ANTXR1: variants seen among roughly 807,000 people sequenced by gnomAD.
ANTXR1 encodes the protein ANTXR cell adhesion molecule 1, also known as anthrax toxin receptor 1.
A neutral mutation model predicts 78.1 loss-of-function variants in ANTXR1; 19 were observed. That is an observed-to-expected ratio of 0.24 (90% CI 0.17 to 0.36). The LOEUF is 0.36. ANTXR1 is among the 10% of genes least tolerant of loss of function. The probability of loss-of-function intolerance (pLI) is 1.00; values close to 1 mark genes in which losing one functional copy is unlikely to be tolerated. For missense variants in ANTXR1, 518 were observed against 718.6 expected (o/e 0.72, Z 3.19); for synonymous variants, 273 against 260.5 (o/e 1.05, Z -0.46).
intron 17 of ANTXR1, among the ~76,000 whole-genome samples, chr2:69,237,004 A>T (rs1444661112): frequency 6.6e-6 from 1 of 152,206 alleles, no homozygotes; most frequent in African/African-American, 2.4e-5. Context: ...CAAATTTTCA[A>T]CAAAGAACTG....
chr2:69,051,331 T>A (rs1485155337), intron 3 of ANTXR1, among the ~76,000 whole-genome samples: 1 of 152,168 alleles, frequency 6.6e-6, no homozygotes, highest in Admixed American at 6.5e-5. Flanking sequence ...TAATAAAAGC[T>A]TTAACAGTAT....
chr2:69,124,733 TG>T (rs1386448223), intron 12 of ANTXR1, 90 bp downstream of exon 12: 4 of 1,473,868 alleles, frequency 2.7e-6, no homozygotes, highest in Non-Finnish European at 3.8e-6. Flanking sequence ...AAAGGTACCC[TG>T]GAAAGTTTTT....
chr2:69,180,795 A>T (rs1315846904), intron 14 of ANTXR1, among the ~76,000 whole-genome samples: 1 of 152,250 alleles, frequency 6.6e-6, no homozygotes, highest in African/African-American at 2.4e-5. Flanking sequence ...GAGATCCTTA[A>T]CTAAAAATAA....
chr2:69,116,268 A>G (rs957324118), intron 10 of ANTXR1, among the ~76,000 whole-genome samples: 1 of 152,158 alleles, frequency 6.6e-6, no homozygotes, highest in Non-Finnish European at 1.5e-5. Flanking sequence ...TGAATTATCA[A>G]TGAGGCAGCC....
chr2:69,071,075 G>C (rs1670548819), intron 4 of ANTXR1, among the ~76,000 whole-genome samples: 1 of 152,130 alleles, frequency 6.6e-6, no homozygotes, highest in Non-Finnish European at 1.5e-5. Flanking sequence ...AGCTTTAAGG[G>C]AAACAAGACC....
chr2:69,139,215 C>A (rs142109653), intron 12 of ANTXR1, among the ~76,000 whole-genome samples: 1 of 152,244 alleles, frequency 6.6e-6, no homozygotes, highest in South Asian at 2.1e-4. Context: ...TTTCACCTAT[C>A]CAATTTCACT....
intron 3 of ANTXR1, among the ~76,000 whole-genome samples, chr2:69,065,773 T>C (rs920647936): frequency 7.9e-5 from 12 of 152,350 alleles, no homozygotes; most frequent in African/African-American, 2.9e-4. Flanking sequence ...TTGTAGAACT[T>C]CATAACTCCT....
chr2:69,103,907 A>G (rs998337658), intron 10 of ANTXR1, among the ~76,000 whole-genome samples: 30 of 150,522 alleles, frequency 2.0e-4, no homozygotes, highest in African/African-American at 7.1e-4. Flanking sequence ...TTGACTAATC[A>G]CTCACACTAG....
chr2:69,075,766 T>C, intron 7 of ANTXR1, 108 bp downstream of exon 7: 7 of 1,030,056 alleles, frequency 6.8e-6, no homozygotes, highest in Non-Finnish European at 1.1e-5. Flanking sequence ...GCCCCTGAAA[T>C]AGGTTATTTT....
intron 17 of ANTXR1, among the ~76,000 whole-genome samples, chr2:69,206,859 G>A (rs1018931109): frequency 2.0e-5 from 3 of 152,212 alleles, no homozygotes; most frequent in Non-Finnish European, 4.4e-5. Flanking sequence ...AATATATTTA[G>A]TAATGGATCA....
intron 17 of ANTXR1, among the ~76,000 whole-genome samples, chr2:69,208,193 C>T (rs1481613939): frequency 2.0e-5 from 3 of 152,204 alleles, no homozygotes; most frequent in Non-Finnish European, 2.9e-5. Context: ...TGGGGACCCA[C>T]CCCTGTTTGC....
At chr2:69,198,944 G>A (rs1490825616) in intron 17 of ANTXR1, among the ~76,000 whole-genome samples, 2 of 152,176 alleles carry the variant, frequency 1.3e-5, no homozygotes, top group Non-Finnish European at 2.9e-5. Context: ...TTTACTCTGG[G>A]CCATCCCATT....
intron 10 of ANTXR1, among the ~76,000 whole-genome samples, chr2:69,117,010 T>C (rs1448955214): frequency 1.3e-5 from 2 of 152,206 alleles, no homozygotes; most frequent in East Asian, 1.9e-4. Context: ...TCTAAACCTG[T>C]AAATATACAC....
At chr2:69,137,385 G>T (rs190226647) in intron 12 of ANTXR1, among the ~76,000 whole-genome samples, 2 of 152,228 alleles carry the variant, frequency 1.3e-5, no homozygotes, top group African/African-American at 4.8e-5. Context: ...TTGAGAGAAG[G>T]CATATGGCCT....
intron 1 of ANTXR1, among the ~76,000 whole-genome samples, chr2:69,029,567 A>G (rs1428444610): frequency 6.6e-6 from 1 of 151,792 alleles, no homozygotes; most frequent in African/African-American, 2.4e-5. Flanking sequence ...AACAAAGAAA[A>G]AAAAATAGGC....
At chr2:69,135,335 A>G (rs896441024) in intron 12 of ANTXR1, among the ~76,000 whole-genome samples, 1 of 152,176 alleles carries the variant, frequency 6.6e-6, no homozygotes, top group Admixed American at 6.5e-5. Flanking sequence ...TATACTTTAG[A>G]AAACACTGAG....
chr2:69,033,285 G>A (rs1323437988), intron 1 of ANTXR1, among the ~76,000 whole-genome samples: 1 of 152,190 alleles, frequency 6.6e-6, no homozygotes, highest in East Asian at 1.9e-4. Flanking sequence ...GCAAGAGGGA[G>A]GTATGGCTGT....
intron 9 of ANTXR1, among the ~76,000 whole-genome samples, chr2:69,101,225 C>T (rs908704368): frequency 1.3e-5 from 2 of 152,188 alleles, no homozygotes; most frequent in Admixed American, 6.5e-5. Flanking sequence ...AATGAGCAAA[C>T]CTGCCTAAAA....
intron 12 of ANTXR1, among the ~76,000 whole-genome samples, chr2:69,150,442 T>C (rs1018211924): frequency 6.6e-6 from 1 of 152,200 alleles, no homozygotes; most frequent in African/African-American, 2.4e-5. Context: ...CTGGGCCCAG[T>C]GAGCTCTAAC....
Sources: gnomAD v4.1 joint callset for allele counts (sites outside exome capture counted in the v4.1 genomes callset) on GRCh38, gnomAD v4.1.1 for gene constraint, MANE v1.5 for transcripts, NCBI Gene and HGNC (gene_info 2026-07-23, HGNC 2026-07-21) for gene names.